SUSD4: variants seen among roughly 807,000 people sequenced by gnomAD.
SUSD4 encodes the protein sushi domain containing 4.
SUSD4 carries 41 observed loss-of-function variants against 50.5 expected under a neutral mutation model. That is an observed-to-expected ratio of 0.81 (90% confidence interval 0.63 to 1.05). The LOEUF (loss-of-function observed/expected upper bound fraction) is 1.05, where lower values mean the gene tolerates loss of function less well. Among genes scored for constraint, SUSD4 ranks in the 50% least tolerant of loss-of-function variants. The probability of loss-of-function intolerance (pLI) is 0.00; values close to 1 mark genes in which losing one functional copy is unlikely to be tolerated. For synonymous variants in SUSD4, 257 were observed against 257.3 expected, an observed-to-expected ratio of 1.00 and a Z score of 0.01; for missense variants, 580 against 634.7, an observed-to-expected ratio of 0.91 and a Z score of 0.93.
chr1:223,300,502 GA>G (rs1665119304), intron 2 of SUSD4, among the ~76,000 whole-genome samples: 1 of 152,150 alleles, frequency 6.6e-6, no homozygotes, highest in African/African-American at 2.4e-5. Context: ...AAAAATGAAA[GA>G]GGTGTGAAAA....
intron 2 of SUSD4, among the ~76,000 whole-genome samples, chr1:223,307,141 G>A (rs940833104): frequency 4.6e-5 from 7 of 152,162 alleles, no homozygotes; most frequent in African/African-American, 9.6e-5. Context: ...GATTACAGGC[G>A]TGAGCCACCA....
intron 4 of SUSD4, among the ~76,000 whole-genome samples, chr1:223,265,238 G>A (rs1344891430): frequency 6.6e-6 from 1 of 152,200 alleles, no homozygotes; most frequent in African/African-American, 2.4e-5. Context: ...AAGAGACACC[G>A]CCAGTGGTTT....
chr1:223,317,852 T>TTTC (rs1666308286), intron 2 of SUSD4, among the ~76,000 whole-genome samples: 1 of 72,836 alleles, frequency 1.4e-5, no homozygotes, highest in African/African-American at 4.9e-5. Flanking sequence ...TTTTTTTTTC[T>TTTC]TTTTTTTTTT....
Position 223,230,426 on chromosome 1 carries a change from T to C in SUSD4, c.725-1038A>G, listed in dbSNP as rs77804492. 747 of 151,506 alleles carry C rather than the reference T, an allele frequency of 4.9e-3. 29 individuals carry two copies. In the East Asian group the frequency reaches 0.11, roughly 22 times the overall value. 9.4% of individuals were successfully genotyped at this position (151,506 alleles called of 1,614,324 possible). ...AACCTAAACGAAAAAGAGTTAACTT[T>C]TGATTCCCTCCCTTGGGGTAACCAA... On this transcript the variant is annotated intron_variant, in intron 5 of 8. Transcript: ENST00000366878.
chr1:223,234,445 T>C (rs1660082886), intron 5 of SUSD4, among the ~76,000 whole-genome samples: 2 of 152,242 alleles, frequency 1.3e-5, no homozygotes, highest in African/African-American at 4.8e-5. Flanking sequence ...TACAGATTCA[T>C]AAACTCTTTG....
At chr1:223,259,080 T>C (rs1332820971) in intron 5 of SUSD4, among the ~76,000 whole-genome samples, 3 of 152,132 alleles carry the variant, frequency 2.0e-5, no homozygotes, top group African/African-American at 4.8e-5. Flanking sequence ...TAGCAACACA[T>C]GCTATGTGAG....
intron 2 of SUSD4, among the ~76,000 whole-genome samples, chr1:223,335,934 A>T (rs1439149180): frequency 6.6e-6 from 1 of 152,190 alleles, no homozygotes; most frequent in Non-Finnish European, 1.5e-5. Context: ...GGAAGAATTC[A>T]TTATACTGTA....
In SUSD4 at chr1:223,229,209, A is replaced by G. The variant is rs1659729330; in HGVS notation, c.904T>C (p.Cys302Arg). The stretch of plus-strand genomic sequence containing the variant: ...CCTTCAGTCTTACCTGATTTGATGC[A>G]GTAGACTTGATAAGAAGGAAACCAC... ...GEWFPSYQVY[C>R]IKSEQTWPST... Residue 302 changes from cysteine to arginine, a missense_variant, in exon 6 of 9, where the codon TGC becomes CGC. Cys to Arg is a radical substitution (Grantham distance 180, BLOSUM62 -3). Coordinates refer to ENST00000366878, the MANE Select transcript of SUSD4 (RefSeq NM_017982.4). This position sits in a 1 kb window ranked among gnomAD's most constrained non-coding sequence, Gnocchi z 4.7. 1 of 1,604,758 alleles carries G rather than the reference A, an allele frequency of 6.2e-7. No homozygotes were observed. The highest frequency in any genetic ancestry group is 1.1e-5 in the South Asian group (1 of 90,846).
At chr1:223,247,325 CA>C (rs1342698684) in intron 5 of SUSD4, among the ~76,000 whole-genome samples, 1 of 152,202 alleles carries the variant, frequency 6.6e-6, no homozygotes, top group East Asian at 1.9e-4. Context: ...GAAGCCTTCC[CA>C]TGCTTCTCTG....
chr1:223,312,474 A>G (rs1300851940), intron 2 of SUSD4, among the ~76,000 whole-genome samples: 1 of 152,008 alleles, frequency 6.6e-6, no homozygotes, highest in Non-Finnish European at 1.5e-5. Context: ...AGGCTCCATC[A>G]CCTCACTGAT....
chr1:223,324,411 C>T (rs952602131), intron 2 of SUSD4, among the ~76,000 whole-genome samples: 3 of 151,448 alleles, frequency 2.0e-5, no homozygotes, highest in African/African-American at 7.3e-5. Flanking sequence ...CAATGAAGAC[C>T]CAAGACACCA....
chr1:223,359,934 C>T (rs1558283921), intron 2 of SUSD4, among the ~76,000 whole-genome samples: 3 of 151,894 alleles, frequency 2.0e-5, no homozygotes. Context: ...TGGCTCAGGA[C>T]GGGGTAGGCA....
rs1664680246 is a variant in SUSD4, at chr1:223,294,198, G to T, written c.149-1547C>A. The stretch of plus-strand genomic sequence containing the variant: ...CATAACTCTATGTAGATGGGGACTG[G>T]TGTACTGGTGTGCCCATCCATCCCC... On this transcript the variant is annotated intron_variant, in intron 2 of 8. Coordinates refer to ENST00000366878, the MANE Select transcript of SUSD4 (RefSeq NM_017982.4). 2.6e-5 allele frequency among the ~76,000 whole-genome samples: 4 copies of T among 152,120 alleles called. No individual in the cohort carries two copies. The South Asian group carries it at 8.3e-4, about 32-fold the overall frequency.
chr1:223,330,194 G>A (rs1032715091), intron 2 of SUSD4, among the ~76,000 whole-genome samples: 2 of 152,104 alleles, frequency 1.3e-5, no homozygotes, highest in African/African-American at 4.8e-5. Context: ...TCTCAGCTGG[G>A]GAGGTTTTGC....
chr1:223,226,638 T>A (rs1278357025), intron 7 of SUSD4, among the ~76,000 whole-genome samples: 1 of 152,212 alleles, frequency 6.6e-6, no homozygotes, highest in Non-Finnish European at 1.5e-5. Flanking sequence ...AGGAGCCTCC[T>A]CCTCCATGAG....
chr1:223,263,769 G>T, intron 5 of SUSD4: 1 of 985,476 alleles, frequency 1.0e-6, no homozygotes, highest in Non-Finnish European at 1.2e-6. Context: ...CACTTGTAGA[G>T]ATGCTGTAAA....
chr1:223,248,881 G>A (rs1661115158), intron 5 of SUSD4, among the ~76,000 whole-genome samples: 1 of 152,166 alleles, frequency 6.6e-6, no homozygotes, highest in Admixed American at 6.5e-5. Context: ...TAAGAAATCT[G>A]AAGTGTGCCT....
At chr1:223,222,532 G>A (rs149624308) in intron 8 of SUSD4, among the ~76,000 whole-genome samples, 8 of 152,296 alleles carry the variant, frequency 5.3e-5, no homozygotes, top group East Asian at 3.9e-4. Context: ...GAAAGGCAGC[G>A]TGGTTTGCAG....
At chr1:223,336,636 T>A (rs1477942378) in intron 2 of SUSD4, among the ~76,000 whole-genome samples, 1 of 152,194 alleles carries the variant, frequency 6.6e-6, no homozygotes, top group Admixed American at 6.5e-5. Context: ...AATTCCTCTA[T>A]GGACTTGTAT....
Sources: gnomAD v4.1 joint callset for allele counts (sites outside exome capture counted in the v4.1 genomes callset) on GRCh38, gnomAD v4.1.1 for gene constraint, Gnocchi (gnomAD v3.1) non-coding constraint, MANE v1.5 for transcripts, NCBI Gene and HGNC (gene_info 2026-07-23, HGNC 2026-07-21) for gene names.